UAP1: variants seen among roughly 807,000 people sequenced by gnomAD.
UAP1 encodes UDP-N-acetylhexosamine pyrophosphorylase.
A neutral mutation model predicts 58.5 loss-of-function variants in UAP1; 25 were observed. The ratio of observed to expected loss-of-function variants is 0.43; its 90% confidence interval spans 0.31 to 0.60. UAP1 has a LOEUF of 0.60. UAP1 is among the 20% of genes least tolerant of loss of function. UAP1 has a pLI of 0.11. For synonymous variants in UAP1, 208 were observed against 213.0 expected (o/e 0.98, Z 0.21); for missense variants, 575 against 630.0 (o/e 0.91, Z 0.93).
intron 5 of UAP1, among the ~76,000 whole-genome samples, chr1:162,583,053 C>T (rs1429628077): frequency 2.0e-5 from 3 of 151,198 alleles, no homozygotes; most frequent in Non-Finnish European, 4.4e-5. Flanking sequence ...TCTCGGCTCA[C>T]TGCAACCTTT....
intron 7 of UAP1, among the ~76,000 whole-genome samples, chr1:162,589,652 G>A (rs1655180131): frequency 6.6e-6 from 1 of 152,024 alleles, no homozygotes; most frequent in Non-Finnish European, 1.5e-5. Context: ...AGAATTTGAC[G>A]AGTGCAAAAA....
At chr1:162,571,092 CTTTTTTTT>C (rs201314469) in intron 2 of UAP1, among the ~76,000 whole-genome samples, 1 of 124,466 alleles carries the variant, frequency 8.0e-6, no homozygotes, top group Non-Finnish European at 1.8e-5. Flanking sequence ...GTCTGGCTTT[CTTTTTTTT>C]TTTTTTTTTC....
At chr1:162,569,089 A>T (rs114029336) in intron 2 of UAP1, among the ~76,000 whole-genome samples, 2 of 152,230 alleles carry the variant, frequency 1.3e-5, no homozygotes, top group African/African-American at 4.8e-5. Flanking sequence ...TGTTGACATT[A>T]TATCCTTTTC....
At chr1:162,582,123 C>G (rs1303606713) in intron 5 of UAP1, among the ~76,000 whole-genome samples, 1 of 152,086 alleles carries the variant, frequency 6.6e-6, no homozygotes, top group Admixed American at 6.6e-5. Flanking sequence ...ACATGCAAAC[C>G]TTTAAAAACA....
At chr1:162,584,128 C>G (rs1319476323) in intron 5 of UAP1, among the ~76,000 whole-genome samples, 1 of 152,164 alleles carries the variant, frequency 6.6e-6, no homozygotes, top group Non-Finnish European at 1.5e-5. Flanking sequence ...TGTGAGTACA[C>G]TAATCATGCA....
chr1:162,590,588 C>T (rs1476385188), intron 8 of UAP1, 77 bp downstream of exon 8: 2 of 1,226,614 alleles, frequency 1.6e-6, no homozygotes, highest in Non-Finnish European at 2.2e-6. Flanking sequence ...CTCTCTCTCT[C>T]TCTGTATTCC....
chr1:162,584,029 G>T (rs1040053494), intron 5 of UAP1, among the ~76,000 whole-genome samples: 2 of 152,158 alleles, frequency 1.3e-5, no homozygotes, highest in African/African-American at 4.8e-5. Flanking sequence ...CAACTTCCTA[G>T]TCTTATATTA....
At chr1:162,578,135 T>G (rs1479968210) in intron 3 of UAP1, among the ~76,000 whole-genome samples, 31 of 152,138 alleles carry the variant, frequency 2.0e-4, no homozygotes, top group Non-Finnish European at 2.9e-5. Flanking sequence ...GTTTTGGAAG[T>G]TAGCATGTTT....
At chr1:162,579,534 A>G (rs769914904) in exon 4 of UAP1, 3 of 1,611,278 alleles carry the variant, frequency 1.9e-6, no homozygotes, top group Admixed American at 1.7e-5. Context: ...TCAGCAAGGA[A>G]TGCTCCCCGC....
At chr1:162,578,933 A>T (rs1457115512) in intron 3 of UAP1, among the ~76,000 whole-genome samples, 1 of 152,122 alleles carries the variant, frequency 6.6e-6, no homozygotes, top group East Asian at 1.9e-4. Flanking sequence ...TTTTTGCCAC[A>T]CTAGCATGGG....
At chr1:162,590,239 G>A in intron 7 of UAP1, 84 bp from the exon 8 acceptor site, 1 of 1,124,916 alleles carries the variant, frequency 8.9e-7, no homozygotes, top group Non-Finnish European at 1.3e-6. Context: ...CTATTGTTGA[G>A]ACCAAAGCCT....
intron 7 of UAP1, among the ~76,000 whole-genome samples, chr1:162,589,102 T>C (rs2101817498): frequency 8.3e-6 from 1 of 120,250 alleles, no homozygotes; most frequent in East Asian, 2.1e-4. Context: ...ATATTAAATA[T>C]ATATATTATA....
chr1:162,592,278 A>G (rs1490396263), intron 8 of UAP1, among the ~76,000 whole-genome samples: 2 of 152,154 alleles, frequency 1.3e-5, no homozygotes, highest in Admixed American at 6.5e-5. Flanking sequence ...TATCCCAGCT[A>G]CTTGGGTGGC....
chr1:162,567,111 G>GT, intron 2 of UAP1, among the ~76,000 whole-genome samples: 1 of 152,232 alleles, frequency 6.6e-6, no homozygotes, highest in African/African-American at 2.4e-5. Flanking sequence ...AGGTCACCTT[G>GT]TAAGGTCATT....
exon 7 of UAP1, chr1:162,588,736 A>T (rs768984509): frequency 1.2e-6 from 2 of 1,612,612 alleles, no homozygotes; most frequent in Non-Finnish European, 1.7e-6. Context: ...TCAAAAGAAG[A>T]TTCCTTATGT....
intron 6 of UAP1, 143 bp from the exon 7 acceptor site, chr1:162,588,550 T>A (rs1176717909): frequency 1.3e-6 from 1 of 772,384 alleles, no homozygotes; most frequent in Non-Finnish European, 2.0e-6. Context: ...CATTTACTAT[T>A]TAAATATGAA....
rs201276924 is a variant in UAP1 at position 162,574,098 on chromosome 1, T to C, written c.281-2679T>C. Among the ~76,000 whole-genome samples the C allele has an allele frequency of 2.4e-4, 36 of 149,488 alleles. 1 individual carries two copies. The highest frequency in any genetic ancestry group is 6.3e-4 in the East Asian group (3 of 4,776). ...TTATTTTTTTCTTTTCTTTTCTTTTTTTTTTTTTTTTTGAGACGGAGTCTC... is the reference window on the plus strand; with the variant it reads ...TTATTTTTTTCTTTTCTTTTCTTTTCTTTTTTTTTTTTGAGACGGAGTCTC... On this transcript the variant is annotated intron_variant, in intron 2 of 10. Transcript: ENST00000271469.
intron 2 of UAP1, among the ~76,000 whole-genome samples, chr1:162,571,756 G>A (rs942003886): frequency 6.6e-6 from 1 of 152,138 alleles, no homozygotes; most frequent in African/African-American, 2.4e-5. Context: ...CATTTTATCT[G>A]TCATCATAAG....
At chr1:162,594,875 T>G (rs1655526966) in intron 9 of UAP1, among the ~76,000 whole-genome samples, 1 of 152,132 alleles carries the variant, frequency 6.6e-6, no homozygotes, top group African/African-American at 2.4e-5. Context: ...TACCATGCAC[T>G]GAAAAAGAGT....
Sources: gnomAD v4.1 joint callset for allele counts (sites outside exome capture counted in the v4.1 genomes callset) on GRCh38, gnomAD v4.1.1 for gene constraint, MANE v1.5 for transcripts, NCBI Gene and HGNC (gene_info 2026-07-23, HGNC 2026-07-21) for gene names.